The following SYT9 variants were observed in gnomAD, a reference collection of about 807,000 sequenced individuals.
SYT9 encodes the protein synaptotagmin-9.
Under a neutral mutation model 48.4 loss-of-function variants are expected in SYT9, and 22 were observed. That is an observed-to-expected ratio of 0.45 (90% CI 0.32 to 0.65). SYT9 has a LOEUF of 0.65. Among genes scored for constraint, SYT9 ranks in the 30% least tolerant of loss-of-function variants. The pLI is 0.03. For missense variants in SYT9, 577 were observed against 622.0 expected (o/e 0.93, Z 0.77); for synonymous variants, 265 against 245.0 (o/e 1.08, Z -0.76).
intron 3 of SYT9, among the ~76,000 whole-genome samples, chr11:7,362,559 C>T (rs1414023337): frequency 6.6e-6 from 1 of 152,112 alleles, no homozygotes; most frequent in Non-Finnish European, 1.5e-5. Context: ...AATTGAAATT[C>T]CATTAGTCAG....
chr11:7,282,926 G>GCGCACACACA (rs879769417), intron 1 of SYT9, among the ~76,000 whole-genome samples: 1 of 135,654 alleles, frequency 7.4e-6, no homozygotes, highest in African/African-American at 2.7e-5. Flanking sequence ...ACACACACAC[G>GCGCACACACA]CACACACACA....
At chr11:7,448,124 A>G (rs1347791315) in intron 6 of SYT9, among the ~76,000 whole-genome samples, 1 of 152,236 alleles carries the variant, frequency 6.6e-6, no homozygotes, top group East Asian at 1.9e-4. Flanking sequence ...GCAAGGAGAG[A>G]ATAGCCATGG....
chr11:7,397,488 A>C, intron 3 of SYT9, among the ~76,000 whole-genome samples: 1 of 152,118 alleles, frequency 6.6e-6, no homozygotes, highest in East Asian at 1.9e-4. Flanking sequence ...TTTTCAAAAT[A>C]AGTTTGAATG....
intron 3 of SYT9, among the ~76,000 whole-genome samples, chr11:7,319,237 C>T (rs1849297991): frequency 8.2e-6 from 1 of 121,540 alleles, no homozygotes; most frequent in Admixed American, 1.0e-4. Context: ...TGCTTTGTCG[C>T]CCAGGGCTAT....
chr11:7,281,688 A>G (rs1029887350), intron 1 of SYT9, among the ~76,000 whole-genome samples: 6 of 152,246 alleles, frequency 3.9e-5, no homozygotes, highest in Non-Finnish European at 8.8e-5. Context: ...ATAGAAAGAT[A>G]TGAGGATTTG....
chr11:7,403,562 AAC>A (rs1245439247), intron 3 of SYT9, among the ~76,000 whole-genome samples: 2 of 118,376 alleles, frequency 1.7e-5, no homozygotes, highest in African/African-American at 9.1e-5. Flanking sequence ...AAAATAAATA[AAC>A]AGAGAGAGAG....
At chr11:7,283,362 A>G (rs1848537033) in intron 1 of SYT9, among the ~76,000 whole-genome samples, 1 of 152,018 alleles carries the variant, frequency 6.6e-6, no homozygotes, top group South Asian at 2.1e-4. Context: ...AGTGGTAAAA[A>G]CCTAGAAGGA....
intron 6 of SYT9, among the ~76,000 whole-genome samples, chr11:7,459,350 GGTCCCA>G (rs1363445595): frequency 6.6e-6 from 1 of 152,140 alleles, no homozygotes; most frequent in Admixed American, 6.5e-5. Context: ...AAAGAGAAGA[GGTCCCA>G]GGACTAAGAA....
At chr11:7,390,284 C>T (rs2134059348) in intron 3 of SYT9, among the ~76,000 whole-genome samples, 1 of 152,266 alleles carries the variant, frequency 6.6e-6, no homozygotes, top group South Asian at 2.1e-4. Flanking sequence ...TCATCCATGT[C>T]CCTGAAAAGG....
chr11:7,307,245 C>T (rs1394780478), intron 2 of SYT9, among the ~76,000 whole-genome samples: 1 of 152,146 alleles, frequency 6.6e-6, no homozygotes, highest in Non-Finnish European at 1.5e-5. Context: ...GTAAATAGTA[C>T]ACAAAAATTG....
intron 6 of SYT9, among the ~76,000 whole-genome samples, chr11:7,423,226 G>C (rs1047604634): frequency 1.3e-5 from 2 of 152,154 alleles, no homozygotes; most frequent in Non-Finnish European, 2.9e-5. Flanking sequence ...TACACGTCTG[G>C]GACTCCAGAT....
At chr11:7,464,749 A>G (rs11041404) in intron 6 of SYT9, among the ~76,000 whole-genome samples, 8,082 of 152,214 alleles carry the variant, frequency 0.053, 231 homozygotes, top group African/African-American at 0.076. Context: ...AAGAGCGGCT[A>G]GGGAACCACG....
chr11:7,429,663 G>A (rs1847529598), intron 6 of SYT9, among the ~76,000 whole-genome samples: 1 of 152,176 alleles, frequency 6.6e-6, no homozygotes, highest in Admixed American at 6.5e-5. Context: ...GGAGTGAAGA[G>A]AACCATTCCC....
intron 3 of SYT9, among the ~76,000 whole-genome samples, chr11:7,374,824 T>C (rs1427572477): frequency 1.3e-5 from 2 of 152,214 alleles, no homozygotes; most frequent in Non-Finnish European, 2.9e-5. Flanking sequence ...ATATTAGCCC[T>C]TTGTCAGATG....
intron 3 of SYT9, among the ~76,000 whole-genome samples, chr11:7,408,738 T>G (rs1203251282): frequency 2.6e-5 from 4 of 152,186 alleles, no homozygotes; most frequent in African/African-American, 9.7e-5. Flanking sequence ...GGAGTCTAGG[T>G]TTTTCCATAA....
rs753963811 is a variant in SYT9 at position 7,347,398 on chromosome 11, A to AT, written c.1044+33465dup. 3.3e-5 allele frequency among the ~76,000 whole-genome samples: 5 copies of AT among 151,792 alleles called. No homozygotes were observed. In the South Asian group the frequency reaches 8.3e-4, roughly 25 times the overall value. On this transcript the variant is annotated intron_variant, in intron 3 of 6. Transcript: ENST00000318881. ...GGGCAACTGCCACTGTACCCGGCTA[A>AT]TTTTTTTTGTATTTTTAGTGGAGAC...
At chr11:7,266,402 C>A (rs1345283736) in intron 1 of SYT9, among the ~76,000 whole-genome samples, 1 of 151,834 alleles carries the variant, frequency 6.6e-6, no homozygotes, top group Non-Finnish European at 1.5e-5. Context: ...CAAAGTGTTT[C>A]TTTTTTTTCT....
chr11:7,313,405 A>T lies in SYT9; in HGVS notation c.508A>T (p.Ile170Phe). ...EPTSSARHNS[I>F]RRQLNLSNPD... The stretch of plus-strand genomic sequence containing the variant: ...TGCTCTTCATTCAAGGCATAATTCA[A>T]TCCGAAGACAACTCAACTTGTCAAA... Residue 170 changes from isoleucine to phenylalanine, a missense_variant, in exon 3 of 7, where the codon ATC becomes TTC. Ile to Phe is a conservative substitution (Grantham distance 21, BLOSUM62 0). Transcript: ENST00000318881. The T allele has an allele frequency of 6.2e-7, 1 of 1,610,288 alleles. No homozygotes were observed. The highest frequency in any genetic ancestry group is 8.5e-7 in the Non-Finnish European group (1 of 1,178,466).
intron 3 of SYT9, among the ~76,000 whole-genome samples, chr11:7,344,929 TAC>T (rs60652691): frequency 0.32 from 48,085 of 148,778 alleles, 7,819 homozygotes; most frequent in Middle Eastern, 0.37. Context: ...CTCATTATTT[TAC>T]ACACACACAC....
Sources: gnomAD v4.1 joint callset for allele counts (sites outside exome capture counted in the v4.1 genomes callset) on GRCh38, gnomAD v4.1.1 for gene constraint, MANE v1.5 for transcripts, NCBI Gene and HGNC (gene_info 2026-07-23, HGNC 2026-07-21) for gene names.